The following ARHGAP26 variants were observed in gnomAD, a reference collection of about 807,000 sequenced individuals.
The protein encoded by ARHGAP26 is Rho GTPase activating protein 26.
In ARHGAP26, 38 loss-of-function variants were observed where a neutral mutation model predicts 104.8. That is an observed-to-expected ratio of 0.36 (90% CI 0.28 to 0.48). The LOEUF (loss-of-function observed/expected upper bound fraction) is 0.48, where lower values mean the gene tolerates loss of function less well. Among genes scored for constraint, ARHGAP26 ranks in the 20% least tolerant of loss-of-function variants. The pLI is 0.99. For synonymous variants in ARHGAP26, 341 were observed against 340.0 expected (o/e 1.00, Z -0.03); for missense variants, 704 against 947.9 (o/e 0.74, Z 3.38).
chr5:143,217,118 C>CGTGT (rs1162343952), intron 22 of ARHGAP26, among the ~76,000 whole-genome samples: 1 of 151,722 alleles, frequency 6.6e-6, no homozygotes, highest in African/African-American at 2.4e-5. Context: ...AGAAAGTGCA[C>CGTGT]GTGTGTGTGT....
chr5:142,946,242 C>T (rs116336834), intron 11 of ARHGAP26, among the ~76,000 whole-genome samples: 184 of 152,308 alleles, frequency 1.2e-3, no homozygotes, highest in African/African-American at 4.1e-3. Flanking sequence ...CCTATCTACT[C>T]ACATCATATA....
intron 4 of ARHGAP26, among the ~76,000 whole-genome samples, chr5:142,881,187 C>T (rs1253585323): frequency 6.6e-6 from 1 of 152,222 alleles, no homozygotes; most frequent in Non-Finnish European, 1.5e-5. Context: ...TTGGCAGTGG[C>T]TTCCGGGGGT....
chr5:143,017,822 T>C (rs1322009297), intron 12 of ARHGAP26, among the ~76,000 whole-genome samples: 6 of 152,230 alleles, frequency 3.9e-5, no homozygotes, highest in African/African-American at 1.2e-4. Flanking sequence ...ACCACCACAA[T>C]GGACATCTTT....
At chr5:142,877,889 G>A (rs758258113) in intron 3 of ARHGAP26, among the ~76,000 whole-genome samples, 39 of 152,190 alleles carry the variant, frequency 2.6e-4, no homozygotes, top group Non-Finnish European at 4.4e-5. Flanking sequence ...GTAAGCTTCA[G>A]AGACTTGCAG....
intron 1 of ARHGAP26, among the ~76,000 whole-genome samples, chr5:142,841,971 C>T (rs1405773979): frequency 6.6e-6 from 1 of 152,192 alleles, no homozygotes; most frequent in Non-Finnish European, 1.5e-5. Flanking sequence ...TTGGTAAGAG[C>T]CATGCAAACC....
chr5:143,096,414 G>A (rs1792318975), intron 17 of ARHGAP26, among the ~76,000 whole-genome samples: 1 of 152,142 alleles, frequency 6.6e-6, no homozygotes, highest in Non-Finnish European at 1.5e-5. Context: ...CACTCACTTG[G>A]TTCATTTCTG....
At chr5:143,181,767 C>T (rs258769) in intron 20 of ARHGAP26, among the ~76,000 whole-genome samples, 67,112 of 152,102 alleles carry the variant, frequency 0.44, 16,835 homozygotes, top group African/African-American at 0.69. Flanking sequence ...ATGTTAAGGA[C>T]TTTTTGTTTT....
chr5:143,180,958 T>C (rs1804246595), intron 20 of ARHGAP26, among the ~76,000 whole-genome samples: 1 of 152,214 alleles, frequency 6.6e-6, no homozygotes, highest in African/African-American at 2.4e-5. Context: ...TGTCTCCCTG[T>C]TTCCATGAAT....
chr5:143,177,389 C>CA (rs1293567469), intron 20 of ARHGAP26, among the ~76,000 whole-genome samples: 1 of 152,162 alleles, frequency 6.6e-6, no homozygotes, highest in East Asian at 1.9e-4. Context: ...GTGAGATCAC[C>CA]AAGCATAATG....
At chr5:142,896,289 G>A (rs77552961) in intron 6 of ARHGAP26, among the ~76,000 whole-genome samples, 5,516 of 152,176 alleles carry the variant, frequency 0.036, 106 homozygotes, top group South Asian at 0.056. Flanking sequence ...TATATACTTC[G>A]ATTAATATTA....
chr5:142,867,288 G>GGTGGGTGT (rs1754460610), intron 1 of ARHGAP26, among the ~76,000 whole-genome samples: 1 of 143,596 alleles, frequency 7.0e-6, no homozygotes, highest in African/African-American at 2.6e-5. Context: ...ATTTGCACAG[G>GGTGGGTGT]GTGTGTGTGT....
intron 11 of ARHGAP26, 27 bp from the exon 12 acceptor site, chr5:143,014,053 A>G: frequency 6.2e-7 from 1 of 1,612,982 alleles, no homozygotes; most frequent in Non-Finnish European, 8.5e-7. Flanking sequence ...AAATGCACAT[A>G]AGTGAATTTT....
At chr5:143,150,232 A>G (rs1799660560) in intron 20 of ARHGAP26, among the ~76,000 whole-genome samples, 1 of 152,216 alleles carries the variant, frequency 6.6e-6, no homozygotes, top group Admixed American at 6.5e-5. Flanking sequence ...ATTGTTAGCA[A>G]CTGTGGCTGA....
chr5:142,811,472 T>C (rs547200447), intron 1 of ARHGAP26, among the ~76,000 whole-genome samples: 2 of 152,328 alleles, frequency 1.3e-5, no homozygotes, highest in South Asian at 4.2e-4. Context: ...AATCCTGGCC[T>C]GTCCGTCACG....
At chr5:142,922,476 A>G (rs1293870925) in intron 10 of ARHGAP26, among the ~76,000 whole-genome samples, 1 of 152,114 alleles carries the variant, frequency 6.6e-6, no homozygotes, top group African/African-American at 2.4e-5. Context: ...TGAGAGTATT[A>G]TTCCTTAAAG....
chr5:143,114,251 T>C (rs1599074362), intron 17 of ARHGAP26, among the ~76,000 whole-genome samples: 1 of 152,220 alleles, frequency 6.6e-6, no homozygotes, highest in African/African-American at 2.4e-5. Context: ...ACCCTCATTC[T>C]GGTGCCACCA....
rs1200565058 is a variant in ARHGAP26 at position 142,949,211 on chromosome 5, G to A, written c.1107+17086G>A. 1.6e-3 allele frequency among the ~76,000 whole-genome samples: 103 copies of A among 65,496 alleles called. 9 individuals are homozygous for A. The highest frequency in any genetic ancestry group is 0.012 in the Middle Eastern group (2 of 164). 43.0% of individuals were successfully genotyped at this position (65,496 alleles called of 152,430 possible). ...AGAGAGAGAGAGAGAGAGAGAGAGAGAGAGAGAGAGGAGAGAGAGAGGAGA... is the reference window on the plus strand; with the variant it reads ...AGAGAGAGAGAGAGAGAGAGAGAGAAAGAGAGAGAGGAGAGAGAGAGGAGA... On this transcript the variant is annotated intron_variant, in intron 11 of 22. Transcript: ENST00000645722.
chr5:143,188,005 T>C (rs1352759242), intron 20 of ARHGAP26, among the ~76,000 whole-genome samples: 2 of 152,196 alleles, frequency 1.3e-5, no homozygotes, highest in African/African-American at 2.4e-5. Context: ...TTTCGCAAAC[T>C]ACACCAGCCC....
chr5:143,133,660 T>C (rs1233328241), intron 18 of ARHGAP26, among the ~76,000 whole-genome samples: 1 of 152,210 alleles, frequency 6.6e-6, no homozygotes, highest in African/African-American at 2.4e-5. Flanking sequence ...GTGGCTTCTA[T>C]TGAGCACAGC....
Sources: allele counts gnomAD v4.1 joint callset (sites outside exome capture counted in the v4.1 genomes callset), GRCh38; gene constraint gnomAD v4.1.1; transcripts MANE v1.5; gene names NCBI Gene and HGNC (gene_info 2026-07-23, HGNC 2026-07-21).